Variants in USH2A observed in about 807,000 individuals in gnomAD.
USH2A encodes the protein usherin, also known as Usher syndrome 2A (autosomal recessive, mild).
Under a neutral mutation model 538.9 loss-of-function variants are expected in USH2A, and 443 were observed. That is an observed-to-expected ratio of 0.82 (90% CI 0.76 to 0.89). The LOEUF (loss-of-function observed/expected upper bound fraction) is 0.89. Ranked by LOEUF, USH2A falls within the 40% of genes least tolerant of loss-of-function variation. The pLI is 0.00. For missense variants in USH2A, 6,633 were observed against 6,324.8 expected (o/e 1.05, Z -1.65); for synonymous variants, 2,413 against 2,273.5 (o/e 1.06, Z -1.75).
intron 22 of USH2A, among the ~76,000 whole-genome samples, chr1:216,091,107 T>C (rs2032291549): frequency 6.6e-6 from 1 of 152,188 alleles, no homozygotes; most frequent in African/African-American, 2.4e-5. Context: ...GAATATCATT[T>C]TTTGAAGACT....
intron 34 of USH2A, 87 bp downstream of exon 34, chr1:215,998,798 TAA>T: frequency 7.1e-7 from 1 of 1,411,826 alleles, no homozygotes; most frequent in Admixed American, 1.9e-5. Flanking sequence ...TTTTTTTTTT[TAA>T]GTGAGAGAGA....
At chr1:216,404,085 A>G (rs947812187) in intron 3 of USH2A, among the ~76,000 whole-genome samples, 1 of 152,182 alleles carries the variant, frequency 6.6e-6, no homozygotes, top group African/African-American at 2.4e-5. Flanking sequence ...TAGTATCTTT[A>G]TAGCAGGGTG....
Position 215,648,279 on chromosome 1 carries a change from C to CTT in USH2A, c.14582+248_14582+249insAA, listed in dbSNP as rs56825238. On this transcript the variant is annotated intron_variant, in intron 66 of 71. Transcript: ENST00000307340. ...ATTGCATTGTCTTTTTAATGTAAAACATTTCGTTGTTCTCCTTTCTATCAT... is the reference window on the plus strand; with the variant it reads ...ATTGCATTGTCTTTTTAATGTAAAACTTATTTCGTTGTTCTCCTTTCTATCAT... 7.7e-3 allele frequency among the ~76,000 whole-genome samples: 1,167 copies of CTT among 152,252 alleles called. 26 individuals are homozygous for CTT. The highest frequency in any genetic ancestry group is 0.07 in the South Asian group (338 of 4,816).
intron 4 of USH2A, among the ~76,000 whole-genome samples, chr1:216,360,294 A>G (rs2038467940): frequency 6.6e-6 from 1 of 152,162 alleles, no homozygotes; most frequent in Non-Finnish European, 1.5e-5. Context: ...ACTCAGTGAA[A>G]CAAGCCAATC....
chr1:215,954,784 G>T (rs1434991599), intron 37 of USH2A, among the ~76,000 whole-genome samples: 1 of 151,854 alleles, frequency 6.6e-6, no homozygotes, highest in Non-Finnish European at 1.5e-5. Flanking sequence ...TTTACTTTAT[G>T]CCAAAGTCCT....
chr1:216,206,035 C>G (rs1451970959), intron 16 of USH2A, among the ~76,000 whole-genome samples: 3 of 152,100 alleles, frequency 2.0e-5, no homozygotes, highest in Non-Finnish European at 2.9e-5. Context: ...TTGCTGTGTT[C>G]TATCTCTGCG....
chr1:216,395,697 C>T (rs1235079478), intron 3 of USH2A, among the ~76,000 whole-genome samples: 1 of 152,182 alleles, frequency 6.6e-6, no homozygotes, highest in Non-Finnish European at 1.5e-5. Flanking sequence ...GCAATGTCTG[C>T]AGACATTTTT....
At chr1:216,394,498 C>CA (rs1234943824) in intron 3 of USH2A, among the ~76,000 whole-genome samples, 3 of 151,876 alleles carry the variant, frequency 2.0e-5, no homozygotes, top group East Asian at 3.9e-4. Flanking sequence ...GAATTGTGCA[C>CA]AAAAAGGTAC....
chr1:215,960,476 A>C (rs1432528727), intron 37 of USH2A, among the ~76,000 whole-genome samples: 1 of 152,124 alleles, frequency 6.6e-6, no homozygotes, highest in African/African-American at 2.4e-5. Flanking sequence ...TAAAGTGATC[A>C]CTGGGAGTTG....
At chr1:215,975,217 T>G (rs2102462055) in intron 35 of USH2A, among the ~76,000 whole-genome samples, 1 of 152,348 alleles carries the variant, frequency 6.6e-6, no homozygotes, top group East Asian at 1.9e-4. Context: ...TTATAGATTC[T>G]GGATATTTGA....
chr1:216,421,340 A>G (rs184124760), intron 2 of USH2A, among the ~76,000 whole-genome samples: 334 of 152,248 alleles, frequency 2.2e-3, no homozygotes, highest in African/African-American at 7.5e-3. Flanking sequence ...TATATATTCA[A>G]TTTATATTAC....
At chr1:216,315,424 AT>A (rs2037488269) in intron 9 of USH2A, among the ~76,000 whole-genome samples, 1 of 152,150 alleles carries the variant, frequency 6.6e-6, no homozygotes, top group Admixed American at 6.6e-5. Flanking sequence ...TAGAAATAAG[AT>A]TGGTGGTTTC....
intron 30 of USH2A, among the ~76,000 whole-genome samples, chr1:216,060,222 TA>T (rs1182928303): frequency 6.6e-6 from 1 of 152,208 alleles, no homozygotes; most frequent in African/African-American, 2.4e-5. Context: ...TGCAAATTGC[TA>T]AATACTAGCC....
intron 21 of USH2A, among the ~76,000 whole-genome samples, chr1:216,112,430 C>T (rs1399418172): frequency 1.3e-5 from 2 of 151,968 alleles, no homozygotes; most frequent in Non-Finnish European, 2.9e-5. Flanking sequence ...TGATTTCATT[C>T]TGGTCTGTAT....
chr1:215,880,152 C>T (rs961043853), intron 41 of USH2A, among the ~76,000 whole-genome samples: 20 of 152,206 alleles, frequency 1.3e-4, no homozygotes, highest in African/African-American at 4.8e-4. Flanking sequence ...TACAAGGTGA[C>T]ATATTTATAT....
At chr1:216,089,261 C>T in intron 22 of USH2A, 122 bp from the exon 23 acceptor site, 1 of 1,066,076 alleles carries the variant, frequency 9.4e-7, no homozygotes, top group Non-Finnish European at 1.4e-6. Context: ...AGCATGCATA[C>T]ATTTCAAACA....
chr1:215,670,923 G>C, intron 64 of USH2A, 49 bp downstream of exon 64: 1 of 1,587,854 alleles, frequency 6.3e-7, no homozygotes, highest in Non-Finnish European at 8.6e-7. Context: ...GGCAGGTGCT[G>C]ACGGGTGCAA....
At chr1:215,895,453 A>T (rs548225811) in intron 40 of USH2A, among the ~76,000 whole-genome samples, 1 of 152,298 alleles carries the variant, frequency 6.6e-6, no homozygotes, top group South Asian at 2.1e-4. Flanking sequence ...GGCTTGATGA[A>T]TGTGTAGAAT....
chr1:215,658,427 G>T (rs1281922685), intron 64 of USH2A, among the ~76,000 whole-genome samples: 3 of 151,914 alleles, frequency 2.0e-5, no homozygotes, highest in Non-Finnish European at 4.4e-5. Flanking sequence ...CTATATGGTT[G>T]GTATTATTAT....
Sources: gnomAD v4.1 joint callset for allele counts (sites outside exome capture counted in the v4.1 genomes callset) on GRCh38, gnomAD v4.1.1 for gene constraint, MANE v1.5 for transcripts, NCBI Gene and HGNC (gene_info 2026-07-23, HGNC 2026-07-21) for gene names.